The following IL31 variants were observed in gnomAD, a reference collection of about 807,000 sequenced individuals.
IL31 encodes interleukin-31.
In IL31, 8 loss-of-function variants were observed where a neutral mutation model predicts 7.8. The observed-to-expected ratio is 1.02, with a 90% CI of 0.60 to 1.84. IL31 has a LOEUF of 1.84. IL31 is among the 40% of genes most tolerant of loss of function. IL31 has a pLI of 0.00. For missense variants in IL31, 162 were observed against 205.6 expected (o/e 0.79, Z 1.30); for synonymous variants, 87 against 86.5 (o/e 1.01, Z -0.03).
Position 122,172,567 on chromosome 12 carries a change from G to C in IL31, c.340C>G (p.Leu114Val). The C allele has an allele frequency of 6.2e-7, 1 of 1,614,184 alleles. No individual in the cohort carries two copies. Among genetic ancestry groups the C allele is most frequent in the Non-Finnish European group, 8.5e-7 (1 of 1,180,024 alleles). The change falls in exon 3 of 3, where the codon CTC (leucine) becomes GTC (valine). Residue 114 changes from leucine to valine, a missense_variant. Leu to Val is a conservative substitution (Grantham distance 32, BLOSUM62 1). Transcript: ENST00000377035. Reference sequence around the variant, plus strand: ...GTTTCTGGTGCATCTTGAAATATGAGTTTGTCGAGGTGCTCTATGATCTCA... The same window carrying C: ...GTTTCTGGTGCATCTTGAAATATGACTTTGTCGAGGTGCTCTATGATCTCA... ...IDEIIEHLDK[L>V]IFQDAPETNI... is the part of the protein sequence containing the mutation.
rs61955584 is a variant in IL31, at chr12:122,173,832, T to C, written c.165+12A>G. The C allele has an allele frequency of 0.18, 291,041 of 1,610,290 alleles. 28,077 individuals are homozygous for C. The highest frequency in any genetic ancestry group is 0.28 in the Admixed American group (16,515 of 59,826). On this transcript the variant is annotated intron_variant, in intron 2 of 2. Transcript: ENST00000377035. ...AGAAATCGTTTAGAAAAGAAATCTC[T>C]AGGACACTCACATCTTTCAAAAGCA...
rs1168201926 is a variant in IL31, at chr12:122,173,893, T to C, written c.116A>G (p.Gln39Arg). ...VRLLRPSDDVQKIVEELQSLS... is the reference protein window; with the variant it reads ...VRLLRPSDDVRKIVEELQSLS... The stretch of plus-strand genomic sequence containing the variant: ...GGACTGTAATTCCTCGACTATTTTC[T>C]GTACATCATCACTTGGTCGTAGTAA... The change falls in exon 2 of 3, where the codon CAG (glutamine) becomes CGG (arginine). Residue 39 changes from glutamine (Q) to arginine (R), a missense_variant. Transcript: ENST00000377035. The C allele has an allele frequency of 1.2e-6, 2 of 1,614,156 alleles. No homozygotes were observed. Among genetic ancestry groups the C allele is most frequent in the South Asian group, 1.1e-5 (1 of 91,080 alleles).
Position 122,172,595 on chromosome 12 carries a change from A to T in IL31, c.312T>A (p.Ile104=). 6.2e-7 allele frequency: 1 copy of T among 1,614,186 alleles called. No individual in the cohort carries two copies. Among genetic ancestry groups the T allele is most frequent in the Non-Finnish European group, 8.5e-7 (1 of 1,180,038 alleles). Residue 104 remains isoleucine (I), a synonymous_variant, in exon 3 of 3, where the codon ATT becomes ATA. Transcript: ENST00000377035. ...TGTCGAGGTGCTCTATGATCTCATC[A>T]ATAACAGATTTGTTGTCTAGCTGTC... The part of the protein sequence containing the change: ...TIRQLDNKSV[I]DEIIEHLDKL...
In IL31 at chr12:122,172,624, T is replaced by C. The variant is rs1486036540; in HGVS notation, c.283A>G (p.Ile95Val). 1.9e-6 allele frequency: 3 copies of C among 1,614,054 alleles called. No homozygotes were observed. Among genetic ancestry groups the C allele is most frequent in the Non-Finnish European group, 2.5e-6 (3 of 1,180,032 alleles). ...SPAIRAYLKT[I>V]RQLDNKSVID... ...ACAGATTTGTTGTCTAGCTGTCTGA[T>C]TGTCTTGAGATATGCCCGGATGGCT... The change falls in exon 3 of 3, where the codon ATC becomes GTC. Residue 95 changes from isoleucine to valine, a missense_variant. Transcript: ENST00000377035.
intron 2 of IL31, 39 bp from the exon 3 acceptor site, chr12:122,172,780 A>G (rs1253981945): frequency 2.0e-6 from 3 of 1,487,810 alleles, no homozygotes; most frequent in East Asian, 2.4e-5. Flanking sequence ...TGGGTTTGCA[A>G]TGACAGCTGC....
intron 2 of IL31, 32 bp from the exon 3 acceptor site, chr12:122,172,773 G>C: frequency 6.5e-7 from 1 of 1,529,950 alleles, no homozygotes; most frequent in Non-Finnish European, 8.9e-7. Context: ...TCAGTGTTGG[G>C]TTTGCAATGA....
Position 122,172,593 on chromosome 12 carries a change from T to C in IL31, c.314A>G (p.Asp105Gly). Residue 105 changes from aspartate to glycine, a missense_variant, in exon 3 of 3, where the codon GAT becomes GGT. Transcript: ENST00000377035. ...TTTGTCGAGGTGCTCTATGATCTCA[T>C]CAATAACAGATTTGTTGTCTAGCTG... ...IRQLDNKSVI[D>G]EIIEHLDKLI... 3 of 1,614,196 alleles carry C rather than the reference T, an allele frequency of 1.9e-6. No individual in the cohort carries two copies. The highest frequency in any genetic ancestry group is 2.5e-6 in the Non-Finnish European group (3 of 1,180,040).
rs1296979569 is a variant in IL31 at position 122,172,288 on chromosome 12, G to C, written c.*124C>G. 1 of 697,940 alleles carries C rather than the reference G, an allele frequency of 1.4e-6. No homozygotes were observed. Among genetic ancestry groups the C allele is most frequent in the African/African-American group, 1.8e-5 (1 of 55,788 alleles). 43.2% of individuals were successfully genotyped at this position (697,940 alleles called of 1,614,324 possible). Reference sequence around the variant, plus strand: ...CCTCCCGGGACTAGCCCATATGAGGGGTCCCTGAGATTATTCATTGGAAAA... The same window carrying C: ...CCTCCCGGGACTAGCCCATATGAGGCGTCCCTGAGATTATTCATTGGAAAA... On this transcript the variant is annotated 3_prime_UTR_variant, in exon 3 of 3. Transcript: ENST00000377035.
chr12:122,172,852 T>A, intron 2 of IL31, 111 bp from the exon 3 acceptor site: 1 of 834,668 alleles, frequency 1.2e-6, no homozygotes, highest in Non-Finnish European at 1.9e-6. Context: ...TATATTTATC[T>A]GATCAATGTC....
At chr12:122,172,832 G>A (rs1374575094) in intron 2 of IL31, 91 bp from the exon 3 acceptor site, 34 of 994,934 alleles carry the variant, frequency 3.4e-5, no homozygotes, top group Non-Finnish European at 4.9e-5. Flanking sequence ...TCCGTAACCC[G>A]CCTCGTTGAT....
chr12:122,174,125 C>T lies in IL31; in HGVS notation c.16+32G>A, dbSNP rs570693365. On this transcript the variant is annotated intron_variant, in intron 1 of 2. Coordinates refer to ENST00000377035, the MANE Select transcript of IL31 (RefSeq NM_001014336.2). ...CTTCCTGGTGAGATAAGATGATGCC[C>T]AAGACTCCGGAAGCACCAGGACCAG... The T allele has an allele frequency of 1.4e-4, 225 of 1,613,986 alleles. 2 individuals are homozygous for T. The South Asian group carries it at 2.4e-3, about 17-fold the overall frequency.
rs201415000 is a variant in IL31 at position 122,172,642 on chromosome 12, G to A, written c.265C>T (p.Arg89Trp). ...PPNNIHSPAIRAYLKTIRQLD... is the reference protein window; with the variant it reads ...PPNNIHSPAIWAYLKTIRQLD... ...TGTCTGATTGTCTTGAGATATGCCC[G>A]GATGGCTGGGCTGTGGATGTTGTTT... The change falls in exon 3 of 3, where the codon CGG becomes TGG. Residue 89 changes from arginine (R) to tryptophan (W), a missense_variant. Coordinates refer to ENST00000377035, the MANE Select transcript of IL31 (RefSeq NM_001014336.2). 21 of 1,614,064 alleles carry A rather than the reference G, an allele frequency of 1.3e-5. No individual in the cohort carries two copies. The highest frequency in any genetic ancestry group is 1.1e-4 in the East Asian group (5 of 44,888).
chr12:122,172,448 T>G lies in IL31; in HGVS notation c.459A>C (p.Lys153Asn), dbSNP rs560989403. The change falls in exon 3 of 3, where the codon AAA (lysine) becomes AAC (asparagine). Residue 153 changes from lysine to asparagine, a missense_variant. Transcript: ENST00000377035. ...QFSECMDLAL[K>N]SLTSGAQQAT... ...CCTGTTGGGCTCCAGAGGTCAATGA[T>G]TTTAGTGCGAGGTCCATGCACTCTG... 6.2e-7 allele frequency: 1 copy of G among 1,614,002 alleles called. No homozygotes were observed. Among genetic ancestry groups the G allele is most frequent in the Non-Finnish European group, 8.5e-7 (1 of 1,179,930 alleles).
rs756327888 is a variant in IL31 at position 122,173,911 on chromosome 12, C to G, written c.98G>C (p.Arg33Pro). 1 of 1,614,056 alleles carries G rather than the reference C, an allele frequency of 6.2e-7. No individual in the cohort carries two copies. ...ASHTLPVRLL[R>P]PSDDVQKIVE... ...TATTTTCTGTACATCATCACTTGGTCGTAGTAAACGGACGGGCAACGTGTG... is the reference window on the plus strand; with the variant it reads ...TATTTTCTGTACATCATCACTTGGTGGTAGTAAACGGACGGGCAACGTGTG... The change falls in exon 2 of 3, where the codon CGA becomes CCA. Residue 33 changes from arginine (R) to proline (P), a missense_variant. By Grantham distance (103) the Arg-to-Pro change is moderately radical. Transcript: ENST00000377035.
Position 122,172,170 on chromosome 12 carries a change from T to C in IL31, c.*242A>G. ...CTCACGAGGGTATAATAAGTAAGAC[T>C]TAAGCCTGCAGAAGAAAAGCATTCC... On this transcript the variant is annotated 3_prime_UTR_variant, in exon 3 of 3. Transcript: ENST00000377035. The C allele has an allele frequency of 4.5e-6, 2 of 445,724 alleles. No homozygotes were observed. The highest frequency in any genetic ancestry group is 4.3e-5 in the East Asian group (1 of 23,256). 27.6% of individuals were successfully genotyped at this position (445,724 alleles called of 1,614,324 possible). A position where few individuals can be genotyped will look rare whatever the true frequency, so the allele number is the denominator to read the frequency against.
intron 2 of IL31, 136 bp downstream of exon 2, chr12:122,173,708 G>A (rs1953510273): frequency 1.5e-6 from 1 of 675,588 alleles, no homozygotes; most frequent in Admixed American, 2.8e-5. Context: ...AGCCATCTTT[G>A]CCTGTCTAGT....
At chr12:122,172,838 T>A in intron 2 of IL31, 97 bp from the exon 3 acceptor site, 1 of 924,642 alleles carries the variant, frequency 1.1e-6, no homozygotes, top group Admixed American at 2.5e-5. Context: ...ACCCGCCTCG[T>A]TGATATATTT....
At chr12:122,173,087 C>T (rs565556698) in intron 2 of IL31, among the ~76,000 whole-genome samples, 4 of 152,286 alleles carry the variant, frequency 2.6e-5, no homozygotes, top group South Asian at 2.1e-4. Flanking sequence ...AAGCCACGCA[C>T]GCTCCACTTA....
At position 122,172,650 on chromosome 12, in the gene IL31, G is replaced by A; in HGVS notation, c.257C>T (p.Pro86Leu). Residue 86 changes from proline (P) to leucine (L), a missense_variant, in exon 3 of 3, where the codon CCA (proline) becomes CTA (leucine). Pro to Leu is a moderately conservative substitution (Grantham distance 98). Coordinates refer to ENST00000377035, the MANE Select transcript of IL31 (RefSeq NM_001014336.2). ...TGTCTTGAGATATGCCCGGATGGCT[G>A]GGCTGTGGATGTTGTTTGGCGGCTG... The part of the protein sequence containing the change: ...DAQPPNNIHS[P>L]AIRAYLKTIR... The A allele has an allele frequency of 3.1e-6, 5 of 1,614,168 alleles. No homozygotes were observed. The highest frequency in any genetic ancestry group is 4.2e-6 in the Non-Finnish European group (5 of 1,180,034).
Sources: allele counts gnomAD v4.1 joint callset (sites outside exome capture counted in the v4.1 genomes callset), GRCh38; gene constraint gnomAD v4.1.1; transcripts MANE v1.5; gene names NCBI Gene and HGNC (gene_info 2026-07-23, HGNC 2026-07-21).